The following COL16A1 variants were observed in gnomAD, a reference collection of about 807,000 sequenced individuals.
The protein encoded by COL16A1 is collagen alpha-1(XVI) chain.
Under a neutral mutation model 266.3 loss-of-function variants are expected in COL16A1, and 189 were observed. That is an observed-to-expected ratio of 0.71 (90% confidence interval 0.63 to 0.80). The LOEUF is 0.80. Ranked by LOEUF, COL16A1 falls within the 30% of genes least tolerant of loss-of-function variation. COL16A1 has a pLI of 0.00. For synonymous variants in COL16A1, 740 were observed against 782.3 expected (o/e 0.95, Z 0.90); for missense variants, 1,928 against 2,122.4 (o/e 0.91, Z 1.80).
In COL16A1 at chr1:31,698,076, G is replaced by C; in HGVS notation, c.487C>G (p.Leu163Val). The C allele has an allele frequency of 6.2e-7, 1 of 1,614,022 alleles. No individual in the cohort carries two copies. The highest frequency in any genetic ancestry group is 8.5e-7 in the Non-Finnish European group (1 of 1,180,034). Residue 163 changes from leucine to valine, a missense_variant, in exon 6 of 71, where the codon CTC becomes GTC. Physicochemically the swap from Leu to Val is conservative, Grantham distance 32 (BLOSUM62 1). This residue lies in a region of COL16A1 where 1,552 missense variants were observed against 1,637.2 expected (regional missense o/e 0.95). Transcript: ENST00000373672. The surrounding 1 kb of genome is among the most constrained non-coding windows in gnomAD (Gnocchi z 4.1). ...AGCTTGTGCCAACGCAAGTCGAAGA[G>C]CTGGGGCACTGGGAAGATGCAGGAC... is the stretch of plus-strand genomic sequence containing the variant. ...FVSCIFPVPQ[L>V]FDLRWHKLML...
Position 31,657,161 on chromosome 1 carries a change from G to A in COL16A1, c.4021-93C>T. The A allele has an allele frequency of 1.3e-6, 2 of 1,528,802 alleles. No individual in the cohort carries two copies. The highest frequency in any genetic ancestry group is 1.1e-5 in the South Asian group (1 of 89,266). 94.7% of individuals were successfully genotyped at this position (1,528,802 alleles called of 1,614,324 possible). ...GTACATGGGGCAAGCCCAGCCCCCT[G>A]TTCCACCCAGAGGCCACGATCCTCC... On this transcript the variant is annotated intron_variant, in intron 64 of 70. Coordinates refer to ENST00000373672, the MANE Select transcript of COL16A1 (RefSeq NM_001856.4). The surrounding 1 kb of genome is among the most constrained non-coding windows in gnomAD (Gnocchi z 6.4).
intron 67 of COL16A1, 135 bp from the exon 68 acceptor site, chr1:31,654,993 T>C: frequency 7.2e-7 from 1 of 1,388,386 alleles, no homozygotes; most frequent in Non-Finnish European, 9.5e-7. Context: ...TTTTTTTTTT[T>C]TTTTTTCTGA....
intron 63 of COL16A1, 67 bp from the exon 64 acceptor site, chr1:31,658,644 G>T: frequency 7.2e-7 from 1 of 1,381,958 alleles, no homozygotes; most frequent in South Asian, 1.2e-5. Flanking sequence ...CATATAGCCA[G>T]AGACAGACAC....
rs770671489 is a variant in COL16A1, at chr1:31,692,762, CT to C, written c.1113+4del. 5 of 1,613,792 alleles carry C rather than the reference CT, an allele frequency of 3.1e-6. No homozygotes were observed. The East Asian group carries it at 1.1e-4, about 36-fold the overall frequency. Reference sequence around the variant, plus strand: ...CCTGAAGCAGGCATCACCTCCAAGTCTTACCTGAAGTGGGGCATCCGGGGAG... The same window carrying C: ...CCTGAAGCAGGCATCACCTCCAAGTCTACCTGAAGTGGGGCATCCGGGGAG... On this transcript the variant is annotated splice_donor_region_variant and intron_variant, in intron 14 of 70. Transcript: ENST00000373672.
intron 26 of COL16A1, 31 bp from the exon 27 acceptor site, chr1:31,686,310 G>A (rs1052050711): frequency 1.9e-6 from 3 of 1,614,172 alleles, no homozygotes; most frequent in African/African-American, 2.7e-5. Context: ...CATGATTAAA[G>A]AGGGGATGGA....
chr1:31,699,066 G>A (rs1570601695), intron 4 of COL16A1, among the ~76,000 whole-genome samples: 1 of 152,274 alleles, frequency 6.6e-6, no homozygotes, highest in Admixed American at 6.5e-5. Flanking sequence ...CTGCACTCCA[G>A]CCTGGGCAAC....
intron 57 of COL16A1, 81 bp downstream of exon 57, chr1:31,662,506 C>A: frequency 6.5e-7 from 1 of 1,547,714 alleles, no homozygotes; most frequent in South Asian, 1.2e-5. Flanking sequence ...AGCACACACA[C>A]ACAGGTGCAC....
At position 31,697,362 on chromosome 1, in the gene COL16A1, C is replaced by A. The variant is rs1420933150; in HGVS notation, c.658-62G>T. 3.5e-5 allele frequency: 51 copies of A among 1,467,764 alleles called. No homozygotes were observed. The highest frequency in any genetic ancestry group is 2.1e-4 in the Middle Eastern group (1 of 4,840). 90.9% of individuals were successfully genotyped at this position (1,467,764 alleles called of 1,614,324 possible). On this transcript the variant is annotated intron_variant, in intron 6 of 70. Transcript: ENST00000373672. The surrounding 1 kb of genome is among the most constrained non-coding windows in gnomAD (Gnocchi z 4.2). ...ATCAAATAGCTCTGTGTCCTGGCCC[C>A]CCAGGAGGCACAGAGATGTCTCTGC...
intron 42 of COL16A1, among the ~76,000 whole-genome samples, chr1:31,676,192 G>A (rs1021636674): frequency 4.6e-5 from 7 of 152,146 alleles, no homozygotes; most frequent in African/African-American, 7.2e-5. Flanking sequence ...GGGCATGGTG[G>A]TGTGTGCCTG....
At chr1:31,691,011 T>G (rs556345530) in intron 20 of COL16A1, among the ~76,000 whole-genome samples, 177 bp downstream of exon 20, 1 of 152,172 alleles carries the variant, frequency 6.6e-6, no homozygotes, top group Non-Finnish European at 1.5e-5. Context: ...AGCACTGGGA[T>G]GGGGACAGGA....
chr1:31,693,219 TC>T, intron 12 of COL16A1, 65 bp from the exon 13 acceptor site: 2 of 1,052,736 alleles, frequency 1.9e-6, no homozygotes, highest in Non-Finnish European at 3.0e-6. Flanking sequence ...GAGAAAGCTC[TC>T]CCCACTTCTG....
chr1:31,698,445 A>C lies in COL16A1; in HGVS notation c.390+38T>G. The C allele has an allele frequency of 6.2e-7, 1 of 1,612,652 alleles. No individual in the cohort carries two copies. ...AGGTGGGCTGGACTGGTGCTACCCA[A>C]TGCCCTAAGAGGCAATCAGGGCACA... On this transcript the variant is annotated intron_variant, in intron 5 of 70. Coordinates refer to ENST00000373672, the MANE Select transcript of COL16A1 (RefSeq NM_001856.4). This position sits in a 1 kb window ranked among gnomAD's most constrained non-coding sequence, Gnocchi z 4.1.
At chr1:31,661,607 AGG>A (rs1641671603) in intron 59 of COL16A1, 51 bp downstream of exon 59, 9 of 1,612,710 alleles carry the variant, frequency 5.6e-6, no homozygotes, top group Non-Finnish European at 5.9e-6. Context: ...GCAGCCACCC[AGG>A]CAGAAGCTGC....
intron 52 of COL16A1, 66 bp downstream of exon 52, chr1:31,667,509 C>A: frequency 3.6e-6 from 5 of 1,400,734 alleles, no homozygotes; most frequent in Non-Finnish European, 4.9e-6. Context: ...GCTGCCAAGT[C>A]TCCAGCCCGA....
intron 23 of COL16A1, chr1:31,689,372 G>T: frequency 3.4e-6 from 2 of 587,696 alleles, no homozygotes; most frequent in South Asian, 2.1e-5. Flanking sequence ...GAAAGAGGGG[G>T]TCTGTGAGAG....
rs117307728 is a variant in COL16A1, at chr1:31,675,028, T to G, written c.2838A>C (p.Pro946=). The G allele has an allele frequency of 9.1e-5, 146 of 1,613,094 alleles. 1 individual carries two copies. The East Asian group carries it at 3.2e-3, about 35-fold the overall frequency. Reference sequence around the variant, plus strand: ...TTACCTTAAGGAGGTGCTGTTCAATTGGTAAGGATCCCTGCAAGAGACAGA... The same window carrying G: ...TTACCTTAAGGAGGTGCTGTTCAATGGGTAAGGATCCCTGCAAGAGACAGA... The part of the protein sequence containing the change: ...PGLTAELGSL[P]IEQHLLKSIC... The change falls in exon 44 of 71, where the codon CCA becomes CCC. Residue 946 remains proline, a synonymous_variant. Coordinates refer to ENST00000373672, the MANE Select transcript of COL16A1 (RefSeq NM_001856.4).
At chr1:31,673,061 C>T in intron 44 of COL16A1, 1 of 627,878 alleles carries the variant, frequency 1.6e-6, no homozygotes, top group Non-Finnish European at 2.9e-6. Flanking sequence ...CAGGAAGAAG[C>T]TCTGGTACAG....
intron 17 of COL16A1, 114 bp downstream of exon 17, chr1:31,691,891 C>A (rs1644286732): frequency 1.0e-5 from 16 of 1,531,108 alleles, no homozygotes; most frequent in Non-Finnish European, 1.4e-5. Flanking sequence ...TGTGGCACAG[C>A]CCCTCCCCAC....
intron 44 of COL16A1, 82 bp from the exon 45 acceptor site, chr1:31,672,922 C>T (rs770503457): frequency 1.5e-6 from 2 of 1,322,236 alleles, no homozygotes; most frequent in Admixed American, 3.8e-5. Flanking sequence ...AGTGAGAACC[C>T]AGAGCCAGGG....
Sources: gnomAD v4.1 joint callset for allele counts (sites outside exome capture counted in the v4.1 genomes callset) on GRCh38, gnomAD v4.1.1 for gene constraint, gnomAD v4.1.1 regional missense constraint, Gnocchi (gnomAD v3.1) non-coding constraint, MANE v1.5 for transcripts, NCBI Gene and HGNC (gene_info 2026-07-23, HGNC 2026-07-21) for gene names.